ADORA2B: variants seen among roughly 807,000 people sequenced by gnomAD.
ADORA2B encodes the protein adenosine receptor A2b.
A neutral mutation model predicts 20.8 loss-of-function variants in ADORA2B; 18 were observed. That is an observed-to-expected ratio of 0.87 (90% CI 0.60 to 1.29). The LOEUF (loss-of-function observed/expected upper bound fraction) is 1.29, where lower values mean the gene tolerates loss of function less well. ADORA2B is among the 50% of genes most tolerant of loss of function. The probability of loss-of-function intolerance (pLI) is 0.00; values close to 1 mark genes in which losing one functional copy is unlikely to be tolerated. For missense variants in ADORA2B, 441 were observed against 422.7 expected (o/e 1.04, Z -0.38); for synonymous variants, 179 against 178.3 (o/e 1.00, Z -0.03).
intron 1 of ADORA2B, among the ~76,000 whole-genome samples, chr17:15,963,066 C>G (rs1192574820): frequency 1.3e-5 from 2 of 151,884 alleles, no homozygotes; most frequent in Non-Finnish European, 1.5e-5. Flanking sequence ...CTGGAGTATC[C>G]TTTTTTCTGG....
At chr17:15,927,828 G>A in the ADORA2B span, among the ~76,000 whole-genome samples, 32 of 152,246 alleles carry the variant, frequency 2.1e-4, no homozygotes, top group Non-Finnish European at 4.4e-4. Flanking sequence ...GAGAAGACTC[G>A]GATCAAGAGT....
the ADORA2B span, among the ~76,000 whole-genome samples, chr17:15,938,279 C>A: frequency 1.2e-4 from 18 of 152,018 alleles, no homozygotes; most frequent in Non-Finnish European, 2.4e-4. Flanking sequence ...TTCATTAAAT[C>A]AATATTCAGT....
chr17:15,962,163 C>T (rs1342983238), intron 1 of ADORA2B, among the ~76,000 whole-genome samples: 1 of 152,062 alleles, frequency 6.6e-6, no homozygotes, highest in Admixed American at 6.6e-5. Context: ...ATTAGCTGAG[C>T]ATGTTGGTGG....
the ADORA2B span, among the ~76,000 whole-genome samples, chr17:15,904,537 G>A: frequency 3.4e-4 from 51 of 151,616 alleles, no homozygotes; most frequent in African/African-American, 1.1e-3. Flanking sequence ...ACAGGCACCC[G>A]CCACCACGCC....
chr17:15,927,484 G>GA, the ADORA2B span, among the ~76,000 whole-genome samples: 161 of 138,440 alleles, frequency 1.2e-3, no homozygotes, highest in Middle Eastern at 4.2e-3. Flanking sequence ...CCTGTCTCAG[G>GA]AAAAAAAAAA....
chr17:15,859,102 C>CTACCA, the ADORA2B span, among the ~76,000 whole-genome samples: 1 of 152,118 alleles, frequency 6.6e-6, no homozygotes, highest in Non-Finnish European at 1.5e-5. Context: ...GAGATGTGAA[C>CTACCA]TACCAAGCTT....
At chr17:15,905,291 G>GA in the ADORA2B span, among the ~76,000 whole-genome samples, 1 of 150,198 alleles carries the variant, frequency 6.7e-6, no homozygotes, top group South Asian at 2.1e-4. Flanking sequence ...TGTTGGGGGG[G>GA]GGTTGCGATT....
At chr17:15,937,908 T>C in the ADORA2B span, among the ~76,000 whole-genome samples, 1 of 152,148 alleles carries the variant, frequency 6.6e-6, no homozygotes, top group Non-Finnish European at 1.5e-5. Flanking sequence ...TATGGACATG[T>C]CATTTTTTAG....
the ADORA2B span, among the ~76,000 whole-genome samples, chr17:15,902,895 C>G: frequency 6.6e-6 from 1 of 152,228 alleles, no homozygotes; most frequent in Non-Finnish European, 1.5e-5. Context: ...CACTGGCAAC[C>G]TGTCATGGCA....
chr17:15,914,551 A>G, the ADORA2B span, among the ~76,000 whole-genome samples: 1 of 152,206 alleles, frequency 6.6e-6, no homozygotes, highest in Non-Finnish European at 1.5e-5. Context: ...ATTGCAGCCA[A>G]TAATCATGTG....
At chr17:15,933,619 T>G in the ADORA2B span, among the ~76,000 whole-genome samples, 1 of 152,184 alleles carries the variant, frequency 6.6e-6, no homozygotes, top group Non-Finnish European at 1.5e-5. Context: ...AAAGATACAA[T>G]TAATTTTATA....
At chr17:15,918,190 G>T in the ADORA2B span, among the ~76,000 whole-genome samples, 2 of 152,138 alleles carry the variant, frequency 1.3e-5, no homozygotes, top group African/African-American at 2.4e-5. Flanking sequence ...TCTTACAGGG[G>T]CAGGAATCCT....
the ADORA2B span, among the ~76,000 whole-genome samples, chr17:15,915,765 G>T: frequency 6.4e-5 from 6 of 93,734 alleles, no homozygotes; most frequent in African/African-American, 1.9e-4. Flanking sequence ...TCTACCTTTT[G>T]GTTATATTTA....
chr17:15,857,792 A>G, the ADORA2B span, among the ~76,000 whole-genome samples: 1 of 152,160 alleles, frequency 6.6e-6, no homozygotes, highest in Admixed American at 6.5e-5. Context: ...ACTTGTTTTT[A>G]TAGCAGTGTG....
chr17:15,940,666 C>A (rs1443313616), upstream of ADORA2B, among the ~76,000 whole-genome samples: 1 of 152,220 alleles, frequency 6.6e-6, no homozygotes, highest in Non-Finnish European at 1.5e-5. Context: ...TTTTATAGAG[C>A]CCCAAGTTTA....
chr17:15,907,960 G>A, the ADORA2B span, among the ~76,000 whole-genome samples: 1 of 152,240 alleles, frequency 6.6e-6, no homozygotes, highest in Non-Finnish European at 1.5e-5. Flanking sequence ...GGGGACCCGG[G>A]TGTGAAATGC....
chr17:15,944,362 G>A (rs1433375264), upstream of ADORA2B, among the ~76,000 whole-genome samples: 2 of 152,160 alleles, frequency 1.3e-5, no homozygotes, highest in Non-Finnish European at 2.9e-5. The surrounding 1 kb of genome is among the most constrained non-coding windows in gnomAD (Gnocchi z 4.8). Context: ...TGAGGGCCAC[G>A]TGGGAGGCCT....
the ADORA2B span, among the ~76,000 whole-genome samples, chr17:15,875,038 C>A: frequency 6.6e-6 from 1 of 152,014 alleles, no homozygotes; most frequent in Non-Finnish European, 1.5e-5. Context: ...TAGTCATTTA[C>A]ATCTTTCTTC....
the ADORA2B span, among the ~76,000 whole-genome samples, chr17:15,933,081 G>A: frequency 3.3e-5 from 5 of 150,340 alleles, no homozygotes; most frequent in Admixed American, 1.3e-4. Flanking sequence ...TCAGCATCCC[G>A]AGTAGCTGGG....
Sources: allele counts gnomAD v4.1 joint callset (sites outside exome capture counted in the v4.1 genomes callset), GRCh38; gene constraint gnomAD v4.1.1; non-coding constraint Gnocchi (gnomAD v3.1); transcripts MANE v1.5; gene names NCBI Gene and HGNC (gene_info 2026-07-23, HGNC 2026-07-21).